GTF2IRD1: variants seen among roughly 807,000 people sequenced by gnomAD.
GTF2IRD1 encodes GTF2I repeat domain containing 1, also known as general transcription factor II-I repeat domain-containing protein 1.
GTF2IRD1 carries 26 observed loss-of-function variants against 113.2 expected under a neutral mutation model. The observed-to-expected ratio is 0.23, with a 90% CI of 0.17 to 0.32. GTF2IRD1 has a LOEUF of 0.32. Ranked by LOEUF, GTF2IRD1 falls within the 10% of genes least tolerant of loss-of-function variation. The pLI, the probability that GTF2IRD1 is intolerant of heterozygous loss-of-function variation, is 1.00. For synonymous variants in GTF2IRD1, 484 were observed against 529.1 expected, an observed-to-expected ratio of 0.91 and a Z score of 1.17; for missense variants, 864 against 1,280.8, an observed-to-expected ratio of 0.67 and a Z score of 4.97.
chr7:74,505,378 T>C (rs2267832), intron 1 of GTF2IRD1, among the ~76,000 whole-genome samples: 33,133 of 152,060 alleles, frequency 0.22, 3,868 homozygotes, highest in East Asian at 0.41. Context: ...AGGGAGTGGC[T>C]GTCTCTCTCC....
chr7:74,543,387 C>T lies in GTF2IRD1; in HGVS notation c.1619-1368C>T, dbSNP rs761050238. Among the ~76,000 whole-genome samples, 250 of 152,288 alleles carry T rather than the reference C, an allele frequency of 1.6e-3. 2 individuals are homozygous for T. Among genetic ancestry groups the T allele is most frequent in the Non-Finnish European group, 2.2e-3 (152 of 68,028 alleles). ...ACTCAGGAGGCTGAGGCAGGAGAAT[C>T]GCTTGAACCCAGGAGGTGGAGGTTG... On this transcript the variant is annotated intron_variant, in intron 14 of 26. Transcript: ENST00000424337.
chr7:74,584,232 T>C (rs587715404), intron 22 of GTF2IRD1, among the ~76,000 whole-genome samples: 1 of 152,154 alleles, frequency 6.6e-6, no homozygotes, highest in South Asian at 2.1e-4. Flanking sequence ...TCACCTGAGG[T>C]CAGGAGTTCG....
At chr7:74,507,332 G>C (rs1369325365) in intron 1 of GTF2IRD1, 1 of 152,072 alleles carries the variant, frequency 6.6e-6, no homozygotes, top group African/African-American at 2.4e-5. Context: ...AAATTAGCCA[G>C]ACGTGTGGTG....
At chr7:74,476,880 T>G (rs1794443236) in intron 1 of GTF2IRD1, among the ~76,000 whole-genome samples, 1 of 152,122 alleles carries the variant, frequency 6.6e-6, no homozygotes, top group Non-Finnish European at 1.5e-5. Flanking sequence ...TGGGCCTGAT[T>G]CACCCCCGTT....
chr7:74,555,469 G>A lies in GTF2IRD1; in HGVS notation c.1998G>A (p.Glu666=), dbSNP rs1799536090. Residue 666 remains glutamate (E), a synonymous_variant, in exon 19 of 27, where the codon GAG becomes GAA. Coordinates refer to ENST00000424337, the MANE Select transcript of GTF2IRD1 (RefSeq NM_005685.4). The surrounding 1 kb of genome is among the most constrained non-coding windows in gnomAD (Gnocchi z 5.3). ...ATTCCGGGGACCCTCTGGTGGACGA[G>A]AGCCTGAAGAGACAGGGCTTTCAAG... ...ERDSGDPLVD[E]SLKRQGFQEN... 1.2e-6 allele frequency: 2 copies of A among 1,611,880 alleles called. No homozygotes were observed. The highest frequency in any genetic ancestry group is 3.3e-5 in the Admixed American group (2 of 59,990).
rs544376791 is a variant in GTF2IRD1 at position 74,498,885 on chromosome 7, C to A, written c.-6-9190C>A. Among the ~76,000 whole-genome samples, 16 of 152,176 alleles carry A rather than the reference C, an allele frequency of 1.1e-4. No individual in the cohort carries two copies. The South Asian group carries it at 3.3e-3, about 32-fold the overall frequency. On this transcript the variant is annotated intron_variant, in intron 1 of 26. Transcript: ENST00000424337. ...CTGGGACTATAGGCGTGTACCACCA[C>A]CCCCAGCTAATTTTTTGTATTTTTA... is the stretch of plus-strand genomic sequence containing the variant.
chr7:74,575,209 T>C (rs1247408000), intron 22 of GTF2IRD1, among the ~76,000 whole-genome samples: 1 of 152,030 alleles, frequency 6.6e-6, no homozygotes, highest in Non-Finnish European at 1.5e-5. Flanking sequence ...TTTTAGGAGA[T>C]TGCAACATTA....
At chr7:74,585,208 T>G (rs1258513635) in intron 22 of GTF2IRD1, among the ~76,000 whole-genome samples, 6 of 149,774 alleles carry the variant, frequency 4.0e-5, no homozygotes, top group Admixed American at 1.4e-4. Context: ...CACCTCCCAG[T>G]TCAAGGGATT....
intron 1 of GTF2IRD1, among the ~76,000 whole-genome samples, chr7:74,463,722 T>A (rs1793530007): frequency 6.8e-6 from 1 of 147,568 alleles, no homozygotes; most frequent in Non-Finnish European, 1.5e-5. Flanking sequence ...ACCACTGTTG[T>A]TTTTTGTTTT....
chr7:74,594,068 A>G (rs1802249955), intron 24 of GTF2IRD1, among the ~76,000 whole-genome samples: 1 of 150,612 alleles, frequency 6.6e-6, no homozygotes, highest in African/African-American at 2.4e-5. Flanking sequence ...GCATGGTGGT[A>G]CACGCCTGTA....
At chr7:74,546,302 A>G (rs1562857347) in intron 16 of GTF2IRD1, among the ~76,000 whole-genome samples, 1 of 149,116 alleles carries the variant, frequency 6.7e-6, no homozygotes, top group East Asian at 2.0e-4. Flanking sequence ...GCTCACTGCA[A>G]CCTGCGCTTC....
intron 19 of GTF2IRD1, among the ~76,000 whole-genome samples, chr7:74,556,033 T>G (rs1799571962): frequency 6.6e-6 from 1 of 152,038 alleles, no homozygotes; most frequent in Non-Finnish European, 1.5e-5. Flanking sequence ...GTGGATCACT[T>G]GAGGCCAGGA....
chr7:74,458,550 G>C (rs1243689014), intron 1 of GTF2IRD1, among the ~76,000 whole-genome samples: 1 of 152,100 alleles, frequency 6.6e-6, no homozygotes, highest in Non-Finnish European at 1.5e-5. Flanking sequence ...TCTCAGTCAG[G>C]TATCTCCAGG....
intron 24 of GTF2IRD1, among the ~76,000 whole-genome samples, chr7:74,593,850 G>C (rs1452769615): frequency 6.6e-6 from 1 of 151,982 alleles, no homozygotes; most frequent in Non-Finnish European, 1.5e-5. Flanking sequence ...GTTGCAGTGA[G>C]CCAAGATTGC....
At chr7:74,534,212 C>A (rs1284362428) in intron 9 of GTF2IRD1, among the ~76,000 whole-genome samples, 1 of 152,174 alleles carries the variant, frequency 6.6e-6, no homozygotes, top group Non-Finnish European at 1.5e-5. Flanking sequence ...AGTCACTCAC[C>A]TGGGGCCAGA....
intron 1 of GTF2IRD1, among the ~76,000 whole-genome samples, chr7:74,467,649 C>T (rs1026391469): frequency 4.6e-5 from 7 of 152,012 alleles, no homozygotes; most frequent in African/African-American, 1.7e-4. Context: ...TACAGGCATG[C>T]ACTACCACAC....
At chr7:74,511,505 C>A (rs1350576931) in intron 2 of GTF2IRD1, among the ~76,000 whole-genome samples, 2 of 152,244 alleles carry the variant, frequency 1.3e-5, no homozygotes, top group African/African-American at 4.8e-5. Context: ...TGTTCCCGCG[C>A]AGAAAGGGAA....
chr7:74,571,716 C>T (rs1800704989), intron 22 of GTF2IRD1, among the ~76,000 whole-genome samples: 1 of 152,214 alleles, frequency 6.6e-6, no homozygotes, highest in East Asian at 1.9e-4. Flanking sequence ...AAAAAATTAG[C>T]CAGGCATGGT....
At chr7:74,508,690 T>TAAAAAAAAAAAA (rs35760074) in intron 2 of GTF2IRD1, among the ~76,000 whole-genome samples, 3 of 132,076 alleles carry the variant, frequency 2.3e-5, no homozygotes, top group African/African-American at 8.4e-5. Context: ...GACTCCGTCT[T>TAAAAAAAAAAAA]AAAAAAAAAA....
Sources: allele counts gnomAD v4.1 joint callset (sites outside exome capture counted in the v4.1 genomes callset), GRCh38; gene constraint gnomAD v4.1.1; non-coding constraint Gnocchi (gnomAD v3.1); transcripts MANE v1.5; gene names NCBI Gene and HGNC (gene_info 2026-07-23, HGNC 2026-07-21).